Variants in TENM3 observed in about 807,000 individuals in gnomAD.
The protein encoded by TENM3 is teneurin-3.
A neutral mutation model predicts 255.1 loss-of-function variants in TENM3; 63 were observed. The ratio of observed to expected loss-of-function variants is 0.25; its 90% CI spans 0.20 to 0.30. TENM3 has a LOEUF of 0.30. TENM3 is among the 10% of genes least tolerant of loss of function. The pLI is 1.00. For synonymous variants in TENM3, 1,306 were observed against 1,322.3 expected (o/e 0.99, Z 0.27); for missense variants, 2,929 against 3,461.1 (o/e 0.85, Z 3.86).
At chr4:182,257,198 A>T (rs1758458914) in intron 1 of TENM3, among the ~76,000 whole-genome samples, 1 of 152,202 alleles carries the variant, frequency 6.6e-6, no homozygotes, top group Non-Finnish European at 1.5e-5. Context: ...ATTTCTAACA[A>T]GTTCTTAGGC....
At chr4:182,736,027 A>G (rs1444872108) in intron 16 of TENM3, among the ~76,000 whole-genome samples, 1 of 152,196 alleles carries the variant, frequency 6.6e-6, no homozygotes, top group Non-Finnish European at 1.5e-5. Context: ...TTCTATGTGC[A>G]TTTAATAACA....
chr4:182,309,621 AT>A (rs1429373188), intron 1 of TENM3, among the ~76,000 whole-genome samples: 1 of 152,198 alleles, frequency 6.6e-6, no homozygotes, highest in Non-Finnish European at 1.5e-5. Context: ...TGTGGGAACA[AT>A]TTTTTTCTTA....
the TENM3 span, among the ~76,000 whole-genome samples, chr4:182,003,299 T>C: frequency 6.6e-6 from 1 of 152,116 alleles, no homozygotes; most frequent in Non-Finnish European, 1.5e-5. Flanking sequence ...TAACATTTTC[T>C]TGCAGTTTAA....
intron 3 of TENM3, among the ~76,000 whole-genome samples, chr4:182,372,228 C>T (rs1283492329): frequency 2.0e-5 from 3 of 152,014 alleles, no homozygotes; most frequent in Non-Finnish European, 2.9e-5. Flanking sequence ...TCATTGTAGC[C>T]AGTAATTGGT....
chr4:182,694,061 A>G (rs1421280735), intron 12 of TENM3, among the ~76,000 whole-genome samples: 3 of 151,976 alleles, frequency 2.0e-5, no homozygotes, highest in Non-Finnish European at 4.4e-5. Flanking sequence ...AGAAATTTGT[A>G]TGTTTGGGTT....
At chr4:181,998,562 G>C in the TENM3 span, among the ~76,000 whole-genome samples, 1 of 152,104 alleles carries the variant, frequency 6.6e-6, no homozygotes, top group African/African-American at 2.4e-5. Flanking sequence ...TTAGCTGTCT[G>C]GTTCCCTAAT....
At chr4:182,184,299 C>T (rs1579633066) in intron 1 of TENM3, among the ~76,000 whole-genome samples, 1 of 152,262 alleles carries the variant, frequency 6.6e-6, no homozygotes, top group East Asian at 1.9e-4. Context: ...AATAATTCCA[C>T]TGGGCCTCTG....
chr4:181,542,014 C>T, the TENM3 span, among the ~76,000 whole-genome samples: 861 of 152,232 alleles, frequency 5.7e-3, 7 homozygotes, highest in African/African-American at 0.02. Flanking sequence ...TGAGTATCAA[C>T]GACATGGCAG....
At position 182,457,126 on chromosome 4, in the gene TENM3, A is replaced by G. The variant is rs1418737221; in HGVS notation, c.511+110197A>G. 2.0e-5 allele frequency among the ~76,000 whole-genome samples: 3 copies of G among 150,884 alleles called. No homozygotes were observed. In the Admixed American group the frequency reaches 2.0e-4, roughly 10 times the overall value. On this transcript the variant is annotated intron_variant, in intron 3 of 27. Transcript: ENST00000511685. ...CTTGCACCTGGGAGGCGGAGGTTGCAGTGAGCCGAGATTGTGCCACTGCAC... is the reference window on the plus strand; with the variant it reads ...CTTGCACCTGGGAGGCGGAGGTTGCGGTGAGCCGAGATTGTGCCACTGCAC...
At chr4:182,056,234 A>G in the TENM3 span, among the ~76,000 whole-genome samples, 1,060 of 152,296 alleles carry the variant, frequency 7.0e-3, 3 homozygotes, top group Non-Finnish European at 0.012. Context: ...ATCTAAGACT[A>G]ACTGTATGCA....
At chr4:182,622,617 C>T (rs11132138) in intron 4 of TENM3, among the ~76,000 whole-genome samples, 83,834 of 152,064 alleles carry the variant, frequency 0.55, 25,046 homozygotes, top group Non-Finnish European at 0.68. Flanking sequence ...CTAAAACACA[C>T]ATCCCAGGCT....
chr4:182,347,080 A>G (rs902298934), intron 3 of TENM3, among the ~76,000 whole-genome samples, 151 bp downstream of exon 3: 6 of 151,674 alleles, frequency 4.0e-5, no homozygotes, highest in African/African-American at 1.5e-4. Context: ...TTAATGTAGT[A>G]GAACTCAAGA....
Position 182,615,377 on chromosome 4 carries a change from A to C in TENM3, c.750-13274A>C, listed in dbSNP as rs553745252. On this transcript the variant is annotated intron_variant, in intron 4 of 27. Coordinates refer to ENST00000511685, the MANE Select transcript of TENM3 (RefSeq NM_001080477.4). ...AAGAAATTAATGAAGCATTTTGGGA[A>C]GTTGTAAATGCCCAAGGTAAAGTAT... 1.4e-4 allele frequency among the ~76,000 whole-genome samples: 21 copies of C among 152,258 alleles called. No individual in the cohort carries two copies. In the South Asian group the frequency reaches 4.1e-3, roughly 30 times the overall value.
chr4:181,562,895 G>T, the TENM3 span, among the ~76,000 whole-genome samples: 1 of 151,910 alleles, frequency 6.6e-6, no homozygotes, highest in Non-Finnish European at 1.5e-5. Context: ...GGCTGGTCTC[G>T]AATTTCTGAC....
At position 182,161,664 on chromosome 4, in the gene TENM3, AAT is replaced by A. The variant is rs1292114052; in HGVS notation, c.-76+16919_-76+16920del. 2.4e-3 allele frequency among the ~76,000 whole-genome samples: 196 copies of A among 80,138 alleles called. 5 individuals are homozygous for A. The highest frequency in any genetic ancestry group is 9.1e-3 in the African/African-American group (178 of 19,510). 52.6% of individuals were successfully genotyped at this position (80,138 alleles called of 152,430 possible). On this transcript the variant is annotated intron_variant, in intron 1 of 2. Transcript: ENST00000512480. ...GTATATATATATATACACACACACA[AAT>A]ATATATATGTATATATATACACAAA...
the TENM3 span, among the ~76,000 whole-genome samples, chr4:181,667,925 A>T: frequency 0.15 from 23,214 of 152,142 alleles, 2,183 homozygotes; most frequent in East Asian, 0.22. Flanking sequence ...CTCTTCTACC[A>T]GGGCAATTTT....
At chr4:181,567,879 A>G in the TENM3 span, among the ~76,000 whole-genome samples, 1 of 152,176 alleles carries the variant, frequency 6.6e-6, no homozygotes, top group Non-Finnish European at 1.5e-5. Context: ...CCAGGGTTAT[A>G]AAACTATGAA....
At chr4:181,780,894 C>T in the TENM3 span, among the ~76,000 whole-genome samples, 1 of 152,116 alleles carries the variant, frequency 6.6e-6, no homozygotes, top group East Asian at 1.9e-4. Flanking sequence ...TTCCCCATTG[C>T]TTGTTTTTCT....
chr4:181,495,652 T>C, the TENM3 span, among the ~76,000 whole-genome samples: 1 of 152,000 alleles, frequency 6.6e-6, no homozygotes, highest in African/African-American at 2.4e-5. Context: ...GTAAAGTTGA[T>C]GTTGAATAAA....
Sources: allele counts gnomAD v4.1 joint callset (sites outside exome capture counted in the v4.1 genomes callset), GRCh38; gene constraint gnomAD v4.1.1; transcripts MANE v1.5; gene names NCBI Gene and HGNC (gene_info 2026-07-23, HGNC 2026-07-21).